WDR70: variants seen among roughly 807,000 people sequenced by gnomAD.
The protein encoded by WDR70 is WD repeat-containing protein 70.
A neutral mutation model predicts 88.6 loss-of-function variants in WDR70; 53 were observed. That is an observed-to-expected ratio of 0.60 (90% CI 0.48 to 0.75). The LOEUF is 0.75. WDR70 is among the 30% of genes least tolerant of loss of function. WDR70 has a pLI of 0.00. For missense variants in WDR70, 610 were observed against 823.2 expected, an observed-to-expected ratio of 0.74 and a Z score of 3.17; for synonymous variants, 280 against 270.0, an observed-to-expected ratio of 1.04 and a Z score of -0.36.
chr5:37,695,404 T>C (rs1746951770), intron 10 of WDR70, among the ~76,000 whole-genome samples: 1 of 152,178 alleles, frequency 6.6e-6, no homozygotes, highest in Non-Finnish European at 1.5e-5. Context: ...CTGGGGCCTG[T>C]TCATATCATT....
chr5:37,597,094 C>T (rs1460597923), intron 9 of WDR70, among the ~76,000 whole-genome samples: 2 of 152,114 alleles, frequency 1.3e-5, no homozygotes, highest in Non-Finnish European at 2.9e-5. Context: ...AGTGCATTAA[C>T]AGAATGAAGA....
At chr5:37,702,032 T>C (rs1160653456) in intron 12 of WDR70, among the ~76,000 whole-genome samples, 2 of 152,150 alleles carry the variant, frequency 1.3e-5, no homozygotes, top group African/African-American at 4.8e-5. Context: ...GACCTCTAAG[T>C]CCTATAGTTG....
At chr5:37,613,180 G>A (rs1744233381) in intron 10 of WDR70, among the ~76,000 whole-genome samples, 1 of 152,094 alleles carries the variant, frequency 6.6e-6, no homozygotes, top group Non-Finnish European at 1.5e-5. Context: ...TAAAAATATG[G>A]ATGATTATTA....
chr5:37,729,068 A>G (rs970490392), intron 17 of WDR70, among the ~76,000 whole-genome samples: 12 of 152,190 alleles, frequency 7.9e-5, no homozygotes, highest in African/African-American at 2.7e-4. Context: ...CCTTTGGCCA[A>G]TAGAAGCTGG....
chr5:37,383,698 G>C (rs756887404), intron 3 of WDR70, among the ~76,000 whole-genome samples: 2 of 152,126 alleles, frequency 1.3e-5, no homozygotes, highest in Non-Finnish European at 2.9e-5. Context: ...TCCCGCCTCA[G>C]GCTCTGGAGT....
intron 10 of WDR70, among the ~76,000 whole-genome samples, chr5:37,655,701 G>C (rs1388317197): frequency 6.6e-6 from 1 of 151,348 alleles, no homozygotes; most frequent in African/African-American, 2.4e-5. Flanking sequence ...TTCAATCTCT[G>C]ATATCCTTTC....
intron 8 of WDR70, among the ~76,000 whole-genome samples, chr5:37,490,241 G>A (rs1740026489): frequency 6.6e-6 from 1 of 152,150 alleles, no homozygotes; most frequent in Non-Finnish European, 1.5e-5. Flanking sequence ...TGCAGGCTGT[G>A]TTGGGCAGGG....
intron 17 of WDR70, among the ~76,000 whole-genome samples, chr5:37,747,365 G>C (rs1320133495): frequency 1.3e-5 from 2 of 151,970 alleles, no homozygotes; most frequent in African/African-American, 4.8e-5. Context: ...AAGTCAGGAA[G>C]AATAAATGCT....
intron 10 of WDR70, among the ~76,000 whole-genome samples, chr5:37,645,000 T>G (rs1020493096): frequency 1.3e-5 from 2 of 151,986 alleles, no homozygotes; most frequent in Admixed American, 1.3e-4. Context: ...CTGATCTTTA[T>G]TATTTCTTTT....
intron 10 of WDR70, among the ~76,000 whole-genome samples, chr5:37,685,477 C>T (rs1251623842): frequency 1.3e-5 from 2 of 152,100 alleles, no homozygotes; most frequent in Admixed American, 6.5e-5. Context: ...GGCTGCACTG[C>T]AAGCAGACCT....
chr5:37,562,200 T>C (rs1048800291), intron 9 of WDR70, among the ~76,000 whole-genome samples: 3 of 152,050 alleles, frequency 2.0e-5, no homozygotes, highest in African/African-American at 4.8e-5. Context: ...TCTATTAAAA[T>C]ATAAAAATTA....
chr5:37,747,694 AGTT>A (rs1377989601), intron 17 of WDR70, among the ~76,000 whole-genome samples: 5 of 152,332 alleles, frequency 3.3e-5, no homozygotes, highest in Non-Finnish European at 7.3e-5. Flanking sequence ...GAGGAAGTCA[AGTT>A]GTCTCTGTTT....
chr5:37,595,192 TGA>T (rs1385264280), intron 9 of WDR70, among the ~76,000 whole-genome samples: 1 of 152,200 alleles, frequency 6.6e-6, no homozygotes, highest in Non-Finnish European at 1.5e-5. Context: ...ATAGGAGTGG[TGA>T]GAGAGGGCAT....
At chr5:37,416,292 C>T (rs74521859) in intron 5 of WDR70, among the ~76,000 whole-genome samples, 7,367 of 152,268 alleles carry the variant, frequency 0.048, 200 homozygotes, top group South Asian at 0.075. Context: ...GCGGATCACT[C>T]GCTGTTAGGA....
chr5:37,659,452 A>G (rs1011041552), intron 10 of WDR70, among the ~76,000 whole-genome samples: 1 of 151,116 alleles, frequency 6.6e-6, no homozygotes, highest in Admixed American at 6.6e-5. Context: ...CTTCCTTCTT[A>G]TTTGCTCATT....
intron 7 of WDR70, among the ~76,000 whole-genome samples, chr5:37,450,994 G>T (rs1738661974): frequency 6.6e-6 from 1 of 152,146 alleles, no homozygotes; most frequent in African/African-American, 2.4e-5. Context: ...CACCTCCTGG[G>T]TTTAAGCGAT....
intron 9 of WDR70, among the ~76,000 whole-genome samples, chr5:37,587,841 G>A (rs1262564760): frequency 3.4e-5 from 5 of 148,152 alleles, no homozygotes; most frequent in Admixed American, 6.7e-5. Context: ...GTGCAGTGGC[G>A]TGATCTCAGC....
At chr5:37,712,283 AC>A (rs1467580109) in intron 13 of WDR70, among the ~76,000 whole-genome samples, 29 of 151,874 alleles carry the variant, frequency 1.9e-4, no homozygotes, top group Non-Finnish European at 4.0e-4. Flanking sequence ...GAGCCACCGC[AC>A]CCGGCCACAT....
In WDR70 at chr5:37,455,636, C is replaced by CTTTTT. The variant is rs59254502; in HGVS notation, c.686+12279_686+12283dup. The stretch of plus-strand genomic sequence containing the variant: ...TTCTCTCGGGTCCAGTTCTCTTTAT[C>CTTTTT]TTTTTTTTTTTTTTTTTTTGCCACA... On this transcript the variant is annotated intron_variant, in intron 7 of 17. Coordinates refer to ENST00000265107, the MANE Select transcript of WDR70 (RefSeq NM_018034.4). Among the ~76,000 whole-genome samples the CTTTTT allele has an allele frequency of 1.7e-3, 117 of 70,440 alleles. 7 individuals are homozygous for CTTTTT. Among genetic ancestry groups the CTTTTT allele is most frequent in the Middle Eastern group, 0.023 (1 of 44 alleles). The allele number at this position is 70,440 out of a possible 152,430, so 46.2% of individuals were successfully genotyped here. A position where few individuals can be genotyped will look rare whatever the true frequency, so the allele number is the denominator to read the frequency against.
Sources: gnomAD v4.1 joint callset for allele counts (sites outside exome capture counted in the v4.1 genomes callset) on GRCh38, gnomAD v4.1.1 for gene constraint, MANE v1.5 for transcripts, NCBI Gene and HGNC (gene_info 2026-07-23, HGNC 2026-07-21) for gene names.